The following SRGAP1 variants were observed in gnomAD, a reference collection of about 807,000 sequenced individuals.
SRGAP1 encodes the protein SLIT-ROBO Rho GTPase activating protein 1, also known as SLIT-ROBO Rho GTPase-activating protein 1.
In SRGAP1, 43 loss-of-function variants were observed where a neutral mutation model predicts 121.9. The observed-to-expected ratio is 0.35, with a 90% CI of 0.28 to 0.46. The LOEUF is 0.46. Among genes scored for constraint, SRGAP1 ranks in the 20% least tolerant of loss-of-function variants. SRGAP1 has a pLI of 1.00. For synonymous variants in SRGAP1, 447 were observed against 485.4 expected, an observed-to-expected ratio of 0.92 and a Z score of 1.04; for missense variants, 1,102 against 1,350.9, an observed-to-expected ratio of 0.82 and a Z score of 2.89.
chr12:63,903,185 G>A (rs1045910859), intron 1 of SRGAP1, among the ~76,000 whole-genome samples: 1 of 152,030 alleles, frequency 6.6e-6, no homozygotes, highest in Non-Finnish European at 1.5e-5. Context: ...CTCATACTCA[G>A]CTTCAACTAA....
chr12:63,896,765 C>G (rs1457280591), intron 1 of SRGAP1, among the ~76,000 whole-genome samples: 2 of 152,310 alleles, frequency 1.3e-5, no homozygotes, highest in East Asian at 3.9e-4. Context: ...GCCCATGAGC[C>G]ATCACTTTAC....
chr12:63,968,871 G>C (rs2032856525), intron 1 of SRGAP1, among the ~76,000 whole-genome samples: 1 of 152,226 alleles, frequency 6.6e-6, no homozygotes, highest in African/African-American at 2.4e-5. Context: ...CTTGGCACCT[G>C]TGCTTGGGGA....
At chr12:64,106,345 TTGTC>T (rs1421210797) in intron 15 of SRGAP1, among the ~76,000 whole-genome samples, 3 of 152,232 alleles carry the variant, frequency 2.0e-5, no homozygotes, top group African/African-American at 7.2e-5. Flanking sequence ...TAAATCATCT[TTGTC>T]TTCTTTAAAG....
rs2034373950 is a variant in SRGAP1 at position 64,015,315 on chromosome 12, A to AT, written c.427-1634dup. Among the ~76,000 whole-genome samples, 3 of 152,194 alleles carry AT rather than the reference A, an allele frequency of 2.0e-5. No homozygotes were observed. The South Asian group carries it at 6.2e-4, about 32-fold the overall frequency. ...TCTCAATAATCAAGACATAGGAAAA[A>AT]TAAAATGAGTTTCAGTTGACTTCAT... On this transcript the variant is annotated intron_variant, in intron 3 of 21. Coordinates refer to ENST00000355086, the MANE Select transcript of SRGAP1 (RefSeq NM_020762.4).
chr12:63,884,704 CTG>C (rs1411476438), intron 1 of SRGAP1, among the ~76,000 whole-genome samples: 1 of 150,520 alleles, frequency 6.6e-6, no homozygotes, highest in Non-Finnish European at 1.5e-5. Flanking sequence ...TTCCCAGTCT[CTG>C]GTCACCACCA....
chr12:63,856,340 C>G (rs1171389469), intron 1 of SRGAP1, among the ~76,000 whole-genome samples: 1 of 151,956 alleles, frequency 6.6e-6, no homozygotes, highest in African/African-American at 2.4e-5. Context: ...TTAATCTGTT[C>G]ACATGTATCA....
intron 1 of SRGAP1, among the ~76,000 whole-genome samples, chr12:63,874,681 A>C (rs1020861668): frequency 6.6e-6 from 1 of 152,132 alleles, no homozygotes; most frequent in Non-Finnish European, 1.5e-5. Context: ...TTATTTTCCA[A>C]ATTTCCTATA....
At chr12:64,131,977 C>T (rs748312382) in intron 21 of SRGAP1, among the ~76,000 whole-genome samples, 1 of 152,066 alleles carries the variant, frequency 6.6e-6, no homozygotes, top group Non-Finnish European at 1.5e-5. Context: ...GAGTTCAAGA[C>T]CAGCCTGACC....
At chr12:63,868,061 T>A (rs1354554962) in intron 1 of SRGAP1, among the ~76,000 whole-genome samples, 1,345 of 87,952 alleles carry the variant, frequency 0.015, 6 homozygotes, top group African/African-American at 0.028. Flanking sequence ...TATATATTTT[T>A]TTTTTTTTTT....
At chr12:64,024,151 G>A (rs1427395940) in intron 4 of SRGAP1, among the ~76,000 whole-genome samples, 2 of 152,214 alleles carry the variant, frequency 1.3e-5, no homozygotes, top group Admixed American at 1.3e-4. Flanking sequence ...AGGATATGAA[G>A]CCGGGTGTGG....
intron 11 of SRGAP1, among the ~76,000 whole-genome samples, chr12:64,088,961 T>G (rs556667320): frequency 6.6e-4 from 100 of 152,360 alleles, no homozygotes; most frequent in African/African-American, 2.3e-3. Flanking sequence ...TCACCAGATG[T>G]GAAGCTCTCT....
intron 1 of SRGAP1, among the ~76,000 whole-genome samples, chr12:63,959,298 A>T (rs572421844): frequency 6.6e-6 from 1 of 152,238 alleles, no homozygotes; most frequent in African/African-American, 2.4e-5. Context: ...TTTCAGGAAC[A>T]TAACTAGCTC....
chr12:64,054,784 T>C (rs1379947024), intron 6 of SRGAP1, among the ~76,000 whole-genome samples: 1 of 151,970 alleles, frequency 6.6e-6, no homozygotes, highest in Non-Finnish European at 1.5e-5. Context: ...ATGTGCACAT[T>C]GTGCAGGTTA....
intron 8 of SRGAP1, among the ~76,000 whole-genome samples, chr12:64,068,354 G>T (rs1434177696): frequency 1.4e-5 from 2 of 147,304 alleles, no homozygotes; most frequent in South Asian, 2.2e-4. Flanking sequence ...AATTTTTTTT[G>T]AGACAGGGTC....
intron 4 of SRGAP1, among the ~76,000 whole-genome samples, chr12:64,028,928 A>G (rs969581033): frequency 1.3e-5 from 2 of 152,238 alleles, no homozygotes; most frequent in Non-Finnish European, 2.9e-5. Flanking sequence ...TGATCACTGC[A>G]AGGGCTTGAC....
chr12:63,894,170 T>C (rs78010625), intron 1 of SRGAP1, among the ~76,000 whole-genome samples: 8,890 of 152,310 alleles, frequency 0.058, 304 homozygotes, highest in East Asian at 0.13. Context: ...AAACATTTGT[T>C]GAACATTTGC....
chr12:64,112,473 C>A (rs1001125384), intron 17 of SRGAP1, among the ~76,000 whole-genome samples: 4 of 152,018 alleles, frequency 2.6e-5, no homozygotes, highest in African/African-American at 9.7e-5. Flanking sequence ...ACCTTTAGGT[C>A]ATTTTGAGCA....
At chr12:63,853,400 G>A (rs1309852733) in intron 1 of SRGAP1, among the ~76,000 whole-genome samples, 1 of 152,186 alleles carries the variant, frequency 6.6e-6, no homozygotes, top group African/African-American at 2.4e-5. Flanking sequence ...CATTCTAAAT[G>A]TCCAACAGTG....
chr12:63,884,088 G>C (rs1213847181), intron 1 of SRGAP1, among the ~76,000 whole-genome samples: 2 of 150,948 alleles, frequency 1.3e-5, no homozygotes, highest in Non-Finnish European at 3.0e-5. Flanking sequence ...TTTGAGACCA[G>C]CCGGGCCAAC....
Sources: gnomAD v4.1 joint callset for allele counts (sites outside exome capture counted in the v4.1 genomes callset) on GRCh38, gnomAD v4.1.1 for gene constraint, MANE v1.5 for transcripts, NCBI Gene and HGNC (gene_info 2026-07-23, HGNC 2026-07-21) for gene names.